NKAIN2: variants seen among roughly 807,000 people sequenced by gnomAD.
NKAIN2 encodes sodium/potassium transporting ATPase interacting 2.
NKAIN2 carries 14 observed loss-of-function variants against 32.6 expected under a neutral mutation model. That is an observed-to-expected ratio of 0.43 (90% CI 0.28 to 0.67). NKAIN2 has a LOEUF of 0.67. Among genes scored for constraint, NKAIN2 ranks in the 30% least tolerant of loss-of-function variants. NKAIN2 has a pLI of 0.17. For synonymous variants in NKAIN2, 80 were observed against 87.2 expected, an observed-to-expected ratio of 0.92 and a Z score of 0.46; for missense variants, 198 against 258.3, an observed-to-expected ratio of 0.77 and a Z score of 1.60.
chr6:124,343,872 T>A (rs1452339921), intron 2 of NKAIN2, among the ~76,000 whole-genome samples: 2 of 135,904 alleles, frequency 1.5e-5, no homozygotes. Context: ...TTTGTTGCCA[T>A]TGCTTTTGGT....
intron 1 of NKAIN2, among the ~76,000 whole-genome samples, chr6:124,222,546 G>A (rs1791890060): frequency 6.6e-6 from 1 of 152,036 alleles, no homozygotes; most frequent in Non-Finnish European, 1.5e-5. Context: ...AGGGAATGAG[G>A]CAAGTAAACA....
intron 3 of NKAIN2, among the ~76,000 whole-genome samples, chr6:124,424,392 G>A (rs949209551): frequency 2.0e-5 from 3 of 152,094 alleles, no homozygotes; most frequent in African/African-American, 7.2e-5. Context: ...CTGTGTGTGT[G>A]TATGTGTGTG....
rs995479356 is a variant in NKAIN2 at position 123,856,131 on chromosome 6, C to T, written c.54+51877C>T. On this transcript the variant is annotated intron_variant, in intron 1 of 6. Coordinates refer to ENST00000368417, the MANE Select transcript of NKAIN2 (RefSeq NM_001040214.3). ...TAATGAGCTGTCAAATTTGTATGGCCTGTTTATTTTAGACCTTGCAATAAA... is the reference window on the plus strand; with the variant it reads ...TAATGAGCTGTCAAATTTGTATGGCTTGTTTATTTTAGACCTTGCAATAAA... Among the ~76,000 whole-genome samples the T allele has an allele frequency of 9.2e-5, 14 of 152,094 alleles. 1 individual carries two copies. The highest frequency in any genetic ancestry group is 3.4e-4 in the African/African-American group (14 of 41,418).
intron 3 of NKAIN2, among the ~76,000 whole-genome samples, chr6:124,592,673 C>CA (rs1187719263): frequency 6.6e-6 from 1 of 152,150 alleles, no homozygotes; most frequent in African/African-American, 2.4e-5. Flanking sequence ...CATTTGGACC[C>CA]AAACCATGCT....
intron 1 of NKAIN2, among the ~76,000 whole-genome samples, chr6:124,242,068 G>T (rs911289977): frequency 6.6e-6 from 1 of 151,904 alleles, no homozygotes; most frequent in African/African-American, 2.4e-5. Flanking sequence ...TAATTAAAGA[G>T]CTTATGCACA....
intron 1 of NKAIN2, among the ~76,000 whole-genome samples, chr6:123,904,055 C>G (rs1419082157): frequency 6.6e-6 from 1 of 151,798 alleles, no homozygotes; most frequent in Non-Finnish European, 1.5e-5. Flanking sequence ...AGAAGAAACC[C>G]CGTCTCTACT....
At chr6:124,113,036 A>G (rs1011838303) in intron 1 of NKAIN2, among the ~76,000 whole-genome samples, 1 of 151,834 alleles carries the variant, frequency 6.6e-6, no homozygotes, top group African/African-American at 2.4e-5. Flanking sequence ...CTGGAAGTTT[A>G]TCTTGTTCCT....
At chr6:123,984,059 C>T (rs968567027) in intron 1 of NKAIN2, among the ~76,000 whole-genome samples, 1 of 152,098 alleles carries the variant, frequency 6.6e-6, no homozygotes, top group East Asian at 1.9e-4. Context: ...AGGCATGTGC[C>T]ACCACACCCG....
chr6:123,831,897 G>A (rs921561553), intron 1 of NKAIN2, among the ~76,000 whole-genome samples: 37 of 151,964 alleles, frequency 2.4e-4, no homozygotes, highest in African/African-American at 7.0e-4. Flanking sequence ...CTCGTGATCC[G>A]CCCGCCTCGG....
At chr6:124,032,654 C>T (rs1446775642) in intron 1 of NKAIN2, among the ~76,000 whole-genome samples, 1 of 151,782 alleles carries the variant, frequency 6.6e-6, no homozygotes, top group Non-Finnish European at 1.5e-5. Context: ...CAAGTGGGGA[C>T]TACAAAGCAA....
At chr6:124,494,643 T>TA (rs1368860052) in intron 3 of NKAIN2, among the ~76,000 whole-genome samples, 1 of 152,086 alleles carries the variant, frequency 6.6e-6, no homozygotes, top group African/African-American at 2.4e-5. Context: ...GAGGTCAAAA[T>TA]ACAATGAAGA....
intron 1 of NKAIN2, among the ~76,000 whole-genome samples, chr6:124,130,182 A>G (rs1009332297): frequency 1.3e-5 from 2 of 152,176 alleles, no homozygotes; most frequent in African/African-American, 4.8e-5. Flanking sequence ...GTGGCTACCC[A>G]AGGTAGAATT....
At position 124,202,625 on chromosome 6, in the gene NKAIN2, A is replaced by G. The variant is rs370921543; in HGVS notation, c.55-80380A>G. On this transcript the variant is annotated intron_variant, in intron 1 of 6. Coordinates refer to ENST00000368417, the MANE Select transcript of NKAIN2 (RefSeq NM_001040214.3). The stretch of plus-strand genomic sequence containing the variant: ...TATTACTTATTGCCTATTAAAAATT[A>G]AAAAAGTCATTTAACACCTTTGAAT... 2.9e-3 allele frequency among the ~76,000 whole-genome samples: 437 copies of G among 152,020 alleles called. 1 individual carries two copies. Among genetic ancestry groups the G allele is most frequent in the Non-Finnish European group, 5.3e-3 (358 of 67,878 alleles).
chr6:123,887,991 G>A (rs1162163081), intron 1 of NKAIN2, among the ~76,000 whole-genome samples: 1 of 151,996 alleles, frequency 6.6e-6, no homozygotes, highest in African/African-American at 2.4e-5. Context: ...AATACTACTC[G>A]TATTGGTAAT....
chr6:124,806,706 G>T (rs1780581611), intron 5 of NKAIN2, among the ~76,000 whole-genome samples: 1 of 152,088 alleles, frequency 6.6e-6, no homozygotes. Context: ...ATTGGATAAA[G>T]AGTCAAGACC....
chr6:124,610,386 A>G (rs1476085198), intron 3 of NKAIN2, among the ~76,000 whole-genome samples: 1 of 152,174 alleles, frequency 6.6e-6, no homozygotes, highest in African/African-American at 2.4e-5. Flanking sequence ...GTACTATTTC[A>G]TGACTTGTAT....
In NKAIN2 at chr6:124,823,443, C is replaced by A; in HGVS notation, c.*214C>A. 1.9e-6 allele frequency: 1 copy of A among 520,186 alleles called. No individual in the cohort carries two copies. Among genetic ancestry groups the A allele is most frequent in the South Asian group, 3.1e-5 (1 of 32,090 alleles). 32.2% of individuals were successfully genotyped at this position (520,186 alleles called of 1,614,324 possible). Reference sequence around the variant, plus strand: ...ATTCCACTTGACCTCCTCTTTCTAACTGAAACAGACAAATATGCAGGACAC... The same window carrying A: ...ATTCCACTTGACCTCCTCTTTCTAAATGAAACAGACAAATATGCAGGACAC... On this transcript the variant is annotated 3_prime_UTR_variant, in exon 7 of 7. Transcript: ENST00000368417.
chr6:124,591,310 G>A (rs1382648), intron 3 of NKAIN2, among the ~76,000 whole-genome samples: 24,789 of 152,154 alleles, frequency 0.16, 2,259 homozygotes, highest in African/African-American at 0.23. Context: ...ATGTACATGT[G>A]ATAGACAGGA....
intron 1 of NKAIN2, among the ~76,000 whole-genome samples, chr6:124,085,288 A>G (rs1166949814): frequency 2.6e-5 from 4 of 152,056 alleles, no homozygotes; most frequent in African/African-American, 9.7e-5. Flanking sequence ...GAATGTTGAG[A>G]ACTATAATTT....
Sources: gnomAD v4.1 joint callset for allele counts (sites outside exome capture counted in the v4.1 genomes callset) on GRCh38, gnomAD v4.1.1 for gene constraint, MANE v1.5 for transcripts, NCBI Gene and HGNC (gene_info 2026-07-23, HGNC 2026-07-21) for gene names.